UST: variants seen among roughly 807,000 people sequenced by gnomAD.
The protein encoded by UST is uronyl 2-sulfotransferase, also known as chondroitin sulfate 2-O-sulfotransferase.
Under a neutral mutation model 45.6 loss-of-function variants are expected in UST, and 21 were observed. The ratio of observed to expected loss-of-function variants is 0.46; its 90% CI spans 0.33 to 0.66. The LOEUF (loss-of-function observed/expected upper bound fraction) is 0.66. Ranked by LOEUF, UST falls within the 30% of genes least tolerant of loss-of-function variation. The pLI is 0.02. For missense variants in UST, 463 were observed against 512.4 expected (o/e 0.90, Z 0.93); for synonymous variants, 215 against 200.6 (o/e 1.07, Z -0.61).
chr6:148,974,372 T>C (rs1296276562), intron 5 of UST, among the ~76,000 whole-genome samples: 1 of 152,136 alleles, frequency 6.6e-6, no homozygotes, highest in African/African-American at 2.4e-5. Context: ...GCCTGGACAT[T>C]GTGATGGTCT....
At chr6:148,912,061 G>A (rs1228379365) in intron 2 of UST, among the ~76,000 whole-genome samples, 2 of 152,188 alleles carry the variant, frequency 1.3e-5, no homozygotes, top group Non-Finnish European at 2.9e-5. Flanking sequence ...GCTGGGCATG[G>A]TGGTGAGCAC....
rs146697874 is a variant in UST at position 148,867,434 on chromosome 6, C to G, written c.248-19552C>G. On this transcript the variant is annotated intron_variant, in intron 1 of 7. Transcript: ENST00000367463. ...AGTCATACCCATGTTAAAATGTCTT[C>G]TTGATATCATTAATATCCTTCTTCT... Among the ~76,000 whole-genome samples the G allele has an allele frequency of 3.9e-5, 6 of 152,198 alleles. No individual in the cohort carries two copies. In the East Asian group the frequency reaches 1.2e-3, roughly 29 times the overall value.
At chr6:149,043,011 CTTTCTTTCTT>C (rs1281612298) in intron 7 of UST, among the ~76,000 whole-genome samples, 3 of 105,658 alleles carry the variant, frequency 2.8e-5, no homozygotes, top group East Asian at 4.5e-4. Flanking sequence ...TTCTTTCTTT[CTTTCTTTCTT>C]TTTCTTTCTT....
intron 1 of UST, among the ~76,000 whole-genome samples, chr6:148,834,246 C>G (rs1334170028): frequency 2.0e-5 from 3 of 152,160 alleles, no homozygotes; most frequent in Non-Finnish European, 1.5e-5. Context: ...AATCTTAATT[C>G]CTTGACCACA....
At chr6:148,832,126 G>A (rs1777699786) in intron 1 of UST, among the ~76,000 whole-genome samples, 1 of 152,190 alleles carries the variant, frequency 6.6e-6, no homozygotes, top group Non-Finnish European at 1.5e-5. Flanking sequence ...AAGTAGCTGG[G>A]ATTGCACGCA....
At chr6:148,910,592 C>A (rs531500085) in intron 2 of UST, among the ~76,000 whole-genome samples, 150 of 152,260 alleles carry the variant, frequency 9.9e-4, no homozygotes, top group African/African-American at 3.5e-3. Context: ...AGCAAATCAA[C>A]TCAGAACCCT....
intron 2 of UST, among the ~76,000 whole-genome samples, chr6:148,891,172 T>G (rs2114849102): frequency 6.6e-6 from 1 of 152,310 alleles, no homozygotes; most frequent in East Asian, 1.9e-4. Context: ...GTTTAAAGGC[T>G]TCAGTGCCGT....
chr6:148,759,847 CAAAAAAAAAAAA>C (rs71554421), intron 1 of UST, among the ~76,000 whole-genome samples: 1 of 59,206 alleles, frequency 1.7e-5, no homozygotes, highest in African/African-American at 7.8e-5. Flanking sequence ...GACTCTGTCT[CAAAAAAAAAAAA>C]AAAAAAAAAA....
chr6:149,055,528 C>A (rs956415039), intron 7 of UST, among the ~76,000 whole-genome samples: 7 of 152,084 alleles, frequency 4.6e-5, no homozygotes, highest in Non-Finnish European at 1.0e-4. Context: ...TTCAAGTTAC[C>A]CGTTTCTCCT....
intron 7 of UST, among the ~76,000 whole-genome samples, chr6:149,023,770 T>C (rs1458969365): frequency 2.6e-5 from 4 of 152,136 alleles, no homozygotes; most frequent in Non-Finnish European, 4.4e-5. Context: ...AAACCACCTA[T>C]AAAAAGCTTA....
chr6:149,060,394 G>T (rs577978338), intron 7 of UST, among the ~76,000 whole-genome samples: 1 of 152,158 alleles, frequency 6.6e-6, no homozygotes, highest in East Asian at 1.9e-4. Flanking sequence ...GCGCTGGCCC[G>T]GCCAGCCCAG....
At chr6:148,818,316 T>C (rs1167066103) in intron 1 of UST, among the ~76,000 whole-genome samples, 1 of 152,206 alleles carries the variant, frequency 6.6e-6, no homozygotes, top group Non-Finnish European at 1.5e-5. Context: ...CCTGGCCTCG[T>C]GCTAGATTGG....
At chr6:148,900,328 C>T (rs900707876) in intron 2 of UST, among the ~76,000 whole-genome samples, 1 of 152,148 alleles carries the variant, frequency 6.6e-6, no homozygotes, top group African/African-American at 2.4e-5. Flanking sequence ...TGTGTCCCCA[C>T]CTAGGTCTCA....
intron 1 of UST, among the ~76,000 whole-genome samples, chr6:148,841,334 T>C (rs890098500): frequency 6.6e-6 from 1 of 152,154 alleles, no homozygotes; most frequent in African/African-American, 2.4e-5. Flanking sequence ...ATTAATTTAA[T>C]ACTTAAGGAG....
chr6:148,816,329 G>T (rs1307555253), intron 1 of UST, among the ~76,000 whole-genome samples: 1 of 152,166 alleles, frequency 6.6e-6, no homozygotes, highest in Non-Finnish European at 1.5e-5. Flanking sequence ...AATATGACTA[G>T]ACACCCAGAG....
intron 5 of UST, chr6:149,005,441 C>T: frequency 1.0e-6 from 1 of 985,438 alleles, no homozygotes; most frequent in Non-Finnish European, 1.2e-6. Context: ...AAAGGGCATG[C>T]AACCTCAGCA....
intron 5 of UST, among the ~76,000 whole-genome samples, chr6:149,018,576 C>T (rs115505954): frequency 1.3e-5 from 2 of 152,070 alleles, no homozygotes; most frequent in Non-Finnish European, 2.9e-5. Context: ...AAAACCTGGA[C>T]GTCACAACTG....
intron 1 of UST, among the ~76,000 whole-genome samples, chr6:148,852,753 T>G: frequency 6.6e-6 from 1 of 152,144 alleles, no homozygotes; most frequent in South Asian, 2.1e-4. Flanking sequence ...AATCCTTTGC[T>G]GACCGCCCTG....
chr6:148,857,660 C>T (rs561715163), intron 1 of UST, among the ~76,000 whole-genome samples: 1 of 151,138 alleles, frequency 6.6e-6, no homozygotes, highest in Non-Finnish European at 1.5e-5. Context: ...TCTTGAAGTG[C>T]TCTTACCCCT....
Sources: gnomAD v4.1 joint callset for allele counts (sites outside exome capture counted in the v4.1 genomes callset) on GRCh38, gnomAD v4.1.1 for gene constraint, MANE v1.5 for transcripts, NCBI Gene and HGNC (gene_info 2026-07-23, HGNC 2026-07-21) for gene names.